The following TBCK variants were observed in gnomAD, a reference collection of about 807,000 sequenced individuals.
TBCK encodes the protein TBC1 domain containing kinase.
In TBCK, 99 loss-of-function variants were observed where a neutral mutation model predicts 113.4. The observed-to-expected ratio is 0.87, with a 90% CI of 0.74 to 1.03. The LOEUF is 1.03. Among genes scored for constraint, TBCK ranks in the 50% least tolerant of loss-of-function variants. The pLI is 0.00. For missense variants in TBCK, 1,045 were observed against 1,061.3 expected (o/e 0.98, Z 0.21); for synonymous variants, 369 against 370.8 (o/e 1.00, Z 0.05).
intron 23 of TBCK, among the ~76,000 whole-genome samples, chr4:106,139,331 T>C (rs536709438): frequency 5.6e-5 from 8 of 142,150 alleles, no homozygotes; most frequent in African/African-American, 2.0e-4. Flanking sequence ...TTGCCATGAT[T>C]GATTTCTGGG....
chr4:106,273,758 C>G (rs1244309483), intron 3 of TBCK, among the ~76,000 whole-genome samples: 1 of 152,194 alleles, frequency 6.6e-6, no homozygotes, highest in Non-Finnish European at 1.5e-5. Context: ...GGAAAAGGAA[C>G]AGAAGGATTT....
chr4:106,082,307 G>A lies in TBCK; in HGVS notation c.2571+13175C>T, dbSNP rs186807422. ...TGCAGAAACATGGAAGCAGCTGGAC[G>A]CCATTATCCTAAGTGAACTAATGCA... On this transcript the variant is annotated intron_variant, in intron 25 of 25. Transcript: ENST00000394708. Among the ~76,000 whole-genome samples, 362 of 152,268 alleles carry A rather than the reference G, an allele frequency of 2.4e-3. 4 individuals are homozygous for A. Among genetic ancestry groups the A allele is most frequent in the African/African-American group, 8.2e-3 (339 of 41,558 alleles).
intron 7 of TBCK, among the ~76,000 whole-genome samples, chr4:106,249,575 TTTTCATGATTAC>T (rs1326518178): frequency 2.6e-5 from 4 of 152,140 alleles, no homozygotes; most frequent in Admixed American, 2.6e-4. Context: ...TTGTTTTGTT[TTTTCATGATTAC>T]AAGACTAACT....
At chr4:106,181,527 T>C (rs892169882) in intron 22 of TBCK, among the ~76,000 whole-genome samples, 1 of 152,176 alleles carries the variant, frequency 6.6e-6, no homozygotes, top group Admixed American at 6.5e-5. Context: ...CTTTGATCCA[T>C]CTTGAGTTGA....
At chr4:106,143,272 C>T (rs1419170911) in intron 23 of TBCK, among the ~76,000 whole-genome samples, 1 of 152,094 alleles carries the variant, frequency 6.6e-6, no homozygotes, top group African/African-American at 2.4e-5. Context: ...GCCCCTTTTT[C>T]ACTTGTTGTG....
intron 22 of TBCK, among the ~76,000 whole-genome samples, chr4:106,177,952 T>C (rs1751883263): frequency 6.6e-6 from 1 of 152,064 alleles, no homozygotes. Flanking sequence ...ATTCTTCTAA[T>C]CTATAAGCAC....
intron 25 of TBCK, among the ~76,000 whole-genome samples, chr4:106,074,743 T>C (rs574493365): frequency 6.6e-6 from 1 of 152,296 alleles, no homozygotes; most frequent in African/African-American, 2.4e-5. Flanking sequence ...TCATAAGAGA[T>C]AGTGCAGTTA....
At chr4:106,188,244 C>G (rs1337413609) in intron 22 of TBCK, among the ~76,000 whole-genome samples, 1 of 152,122 alleles carries the variant, frequency 6.6e-6, no homozygotes, top group Non-Finnish European at 1.5e-5. Flanking sequence ...TTAAATCTCT[C>G]TCTTAAATTT....
intron 24 of TBCK, among the ~76,000 whole-genome samples, chr4:106,102,587 T>TA (rs35431513): frequency 6.7e-5 from 10 of 150,232 alleles, no homozygotes; most frequent in South Asian, 2.1e-4. Context: ...TTACATAGGT[T>TA]AAAAAAAAAG....
chr4:106,071,756 A>T (rs2149477945), intron 25 of TBCK, among the ~76,000 whole-genome samples: 1 of 152,172 alleles, frequency 6.6e-6, no homozygotes, highest in Non-Finnish European at 1.5e-5. Context: ...GGTCTCTAGG[A>T]CTTGCTTTAT....
intron 6 of TBCK, among the ~76,000 whole-genome samples, chr4:106,250,852 T>G (rs1475096518): frequency 2.0e-5 from 3 of 151,980 alleles, no homozygotes; most frequent in African/African-American, 7.2e-5. Context: ...CTCTTTCGCC[T>G]ACCGAGCTAA....
intron 23 of TBCK, among the ~76,000 whole-genome samples, chr4:106,133,360 T>G (rs1746184183): frequency 6.6e-6 from 1 of 152,230 alleles, no homozygotes; most frequent in Non-Finnish European, 1.5e-5. Flanking sequence ...CCACCATGAC[T>G]GTGAGGCCTT....
intron 23 of TBCK, among the ~76,000 whole-genome samples, chr4:106,142,302 C>T (rs1187640819): frequency 6.6e-6 from 1 of 152,098 alleles, no homozygotes; most frequent in Non-Finnish European, 1.5e-5. Flanking sequence ...AAGGATGAAA[C>T]AACATTTAGC....
At chr4:106,312,821 A>T (rs1026640441) in intron 1 of TBCK, among the ~76,000 whole-genome samples, 2 of 152,214 alleles carry the variant, frequency 1.3e-5, no homozygotes, top group Non-Finnish European at 2.9e-5. Context: ...AAGCAGACAC[A>T]AAAGAGTTCA....
rs1045802592 is a variant in TBCK, at chr4:106,045,048, T to C, written c.*1522A>G. 6.7e-6 allele frequency: 1 copy of C among 148,910 alleles called. No individual in the cohort carries two copies. The highest frequency in any genetic ancestry group is 1.5e-5 in the Non-Finnish European group (1 of 67,660). The allele number at this position is 148,910 out of a possible 1,614,324, so 9.2% of individuals were successfully genotyped here. ...TTTTTTCAGATTTCTGAAATGGGAA[T>C]GTATCTTTCTTTTTTTTTTTTTTTT... On this transcript the variant is annotated 3_prime_UTR_variant, in exon 26 of 26. Coordinates refer to ENST00000394708, the MANE Select transcript of TBCK (RefSeq NM_001163435.3).
chr4:106,041,653 A>G lies in TBCK; in HGVS notation c.*4917T>C, dbSNP rs888261556. The G allele has an allele frequency of 6.6e-6, 1 of 152,232 alleles. No individual in the cohort carries two copies. The highest frequency in any genetic ancestry group is 2.4e-5 in the African/African-American group (1 of 41,460). The allele number at this position is 152,232 out of a possible 1,614,324, so 9.4% of individuals were successfully genotyped here. ...AGTATTATTAGAATAGAACAGTATT[A>G]TTGAAATGCTGCAGACAATGCAAAC... On this transcript the variant is annotated 3_prime_UTR_variant, in exon 26 of 26. Coordinates refer to ENST00000394708, the MANE Select transcript of TBCK (RefSeq NM_001163435.3).
chr4:106,085,719 A>G (rs1290292203), intron 25 of TBCK, among the ~76,000 whole-genome samples: 5 of 152,250 alleles, frequency 3.3e-5, no homozygotes, highest in Non-Finnish European at 7.3e-5. Context: ...AACACTCCTC[A>G]GCAAATGCAA....
chr4:106,176,235 T>C (rs140701141), intron 22 of TBCK, among the ~76,000 whole-genome samples: 8 of 152,206 alleles, frequency 5.3e-5, no homozygotes, highest in African/African-American at 1.9e-4. Flanking sequence ...ACTATAGTCA[T>C]CCTACTGTGC....
chr4:106,078,128 G>T (rs989434772), intron 25 of TBCK, among the ~76,000 whole-genome samples: 14 of 152,146 alleles, frequency 9.2e-5, no homozygotes, highest in African/African-American at 3.1e-4. Flanking sequence ...TTGGGACACA[G>T]TTACAGTTGC....
Sources: gnomAD v4.1 joint callset for allele counts (sites outside exome capture counted in the v4.1 genomes callset) on GRCh38, gnomAD v4.1.1 for gene constraint, MANE v1.5 for transcripts, NCBI Gene and HGNC (gene_info 2026-07-23, HGNC 2026-07-21) for gene names.